Variants in TOX observed in about 807,000 individuals in gnomAD.
The protein encoded by TOX is thymocyte selection-associated high mobility group box protein TOX.
TOX carries 11 observed loss-of-function variants against 53.7 expected under a neutral mutation model. The observed-to-expected ratio is 0.20, with a 90% CI of 0.13 to 0.34. The LOEUF is 0.34. Among genes scored for constraint, TOX ranks in the 10% least tolerant of loss-of-function variants. The pLI is 1.00. For synonymous variants in TOX, 225 were observed against 245.3 expected, an observed-to-expected ratio of 0.92 and a Z score of 0.77; for missense variants, 570 against 664.6, an observed-to-expected ratio of 0.86 and a Z score of 1.56.
At chr8:59,105,827 C>G (rs1172836390) in intron 1 of TOX, among the ~76,000 whole-genome samples, 1 of 152,062 alleles carries the variant, frequency 6.6e-6, no homozygotes, top group Non-Finnish European at 1.5e-5. Flanking sequence ...AAAATGAAAG[C>G]TTATGTATGG....
At chr8:59,081,867 A>T (rs776902650) in intron 1 of TOX, among the ~76,000 whole-genome samples, 1 of 152,228 alleles carries the variant, frequency 6.6e-6, no homozygotes, top group Non-Finnish European at 1.5e-5. Context: ...ACTGCACGGC[A>T]GACTTCCCTA....
chr8:59,113,365 A>T (rs762910605), intron 1 of TOX, among the ~76,000 whole-genome samples: 1 of 152,168 alleles, frequency 6.6e-6, no homozygotes, highest in Non-Finnish European at 1.5e-5. Context: ...GCATCACATG[A>T]AGGTTGTCTT....
rs193243184 is a variant in TOX, at chr8:58,885,687, C to T, written c.412-33882G>A. Among the ~76,000 whole-genome samples, 82 of 152,212 alleles carry T rather than the reference C, an allele frequency of 5.4e-4. 1 individual carries two copies. In the Middle Eastern group the frequency reaches 0.024, roughly 44 times the overall value. ...GCTTCATGACAAAGACCACATAAGT[C>T]CATGGTGGACAAGGGCCATCCTGCA... On this transcript the variant is annotated intron_variant, in intron 3 of 8. Transcript: ENST00000361421.
chr8:58,891,169 G>A (rs1330609877), intron 3 of TOX, among the ~76,000 whole-genome samples: 2 of 152,000 alleles, frequency 1.3e-5, no homozygotes, highest in Admixed American at 6.6e-5. Flanking sequence ...CGATCTTTAG[G>A]AACAGCGCTG....
intron 1 of TOX, among the ~76,000 whole-genome samples, chr8:59,084,917 G>A (rs966803673): frequency 4.6e-5 from 7 of 152,158 alleles, no homozygotes; most frequent in African/African-American, 1.4e-4. Context: ...AATTTTCCAA[G>A]TGTAATGCCA....
At chr8:58,993,677 T>C (rs1813498890) in intron 1 of TOX, among the ~76,000 whole-genome samples, 1 of 152,292 alleles carries the variant, frequency 6.6e-6, no homozygotes, top group Admixed American at 6.5e-5. Context: ...CTTTCAACTT[T>C]CCAGTCTCTG....
chr8:58,987,034 G>C lies in TOX; in HGVS notation c.103-27026C>G, dbSNP rs541863688. Among the ~76,000 whole-genome samples, 3 of 152,164 alleles carry C rather than the reference G, an allele frequency of 2.0e-5. No homozygotes were observed. In the South Asian group the frequency reaches 6.2e-4, roughly 32 times the overall value. On this transcript the variant is annotated intron_variant, in intron 1 of 8. Coordinates refer to ENST00000361421, the MANE Select transcript of TOX (RefSeq NM_014729.3). Reference sequence around the variant, plus strand: ...TTTAAGAGGCCTAGAGCTTAGCATCGGTATATTTGCACACGTTTGGAGAAG... The same window carrying C: ...TTTAAGAGGCCTAGAGCTTAGCATCCGTATATTTGCACACGTTTGGAGAAG...
chr8:58,873,866 C>T (rs1352860182), intron 3 of TOX, among the ~76,000 whole-genome samples: 3 of 150,222 alleles, frequency 2.0e-5, no homozygotes, highest in South Asian at 4.2e-4. Flanking sequence ...ATTTCTCCTC[C>T]ATAATCTATT....
intron 3 of TOX, among the ~76,000 whole-genome samples, chr8:58,920,721 T>TAAA (rs5891703): frequency 2.3e-4 from 19 of 81,016 alleles, no homozygotes; most frequent in East Asian, 4.1e-4. Flanking sequence ...AAAAAAACAT[T>TAAA]AAAAAAAAAA....
chr8:58,903,957 T>C (rs1016276559), intron 3 of TOX, among the ~76,000 whole-genome samples: 4 of 152,212 alleles, frequency 2.6e-5, no homozygotes, highest in Non-Finnish European at 5.9e-5. Context: ...TGGATTATCT[T>C]ATTCCTGGTA....
chr8:58,936,013 C>G (rs1812338671), intron 3 of TOX, among the ~76,000 whole-genome samples: 1 of 151,462 alleles, frequency 6.6e-6, no homozygotes, highest in African/African-American at 2.4e-5. Context: ...CAGCGGCTTT[C>G]CATAACCCCA....
intron 3 of TOX, among the ~76,000 whole-genome samples, chr8:58,938,592 A>T (rs370758592): frequency 6.6e-6 from 1 of 152,222 alleles, no homozygotes; most frequent in African/African-American, 2.4e-5. Context: ...ATTTTATAAT[A>T]AGCCAGTGTT....
At chr8:59,098,932 A>G (rs1026813162) in intron 1 of TOX, among the ~76,000 whole-genome samples, 2 of 152,302 alleles carry the variant, frequency 1.3e-5, no homozygotes, top group Admixed American at 6.5e-5. Context: ...AATTAAAAAG[A>G]GTGAAGTTTT....
chr8:59,113,508 G>A (rs1005790104), intron 1 of TOX, among the ~76,000 whole-genome samples: 5 of 152,038 alleles, frequency 3.3e-5, no homozygotes, highest in African/African-American at 1.2e-4. Flanking sequence ...ATAGAAAATG[G>A]AATCAGGTTA....
chr8:59,041,671 T>TA (rs1400446276), intron 1 of TOX, among the ~76,000 whole-genome samples: 5 of 152,178 alleles, frequency 3.3e-5, no homozygotes, highest in Admixed American at 3.3e-4. Flanking sequence ...AAATCACAGT[T>TA]AAAAACGCTA....
chr8:58,969,130 T>A (rs1585931601), intron 1 of TOX, among the ~76,000 whole-genome samples: 1 of 152,188 alleles, frequency 6.6e-6, no homozygotes, highest in South Asian at 2.1e-4. Context: ...TAAACTCTCC[T>A]GGGGTAAGAC....
intron 2 of TOX, among the ~76,000 whole-genome samples, chr8:58,959,062 A>G (rs1413935264): frequency 6.6e-6 from 1 of 152,230 alleles, no homozygotes; most frequent in African/African-American, 2.4e-5. Context: ...TTTTAGAATT[A>G]CTAACATATG....
Position 59,009,611 on chromosome 8 carries a change from G to T in TOX, c.103-49603C>A, listed in dbSNP as rs1330141240. Among the ~76,000 whole-genome samples, 10 of 152,162 alleles carry T rather than the reference G, an allele frequency of 6.6e-5. No individual in the cohort carries two copies. The South Asian group carries it at 1.0e-3, about 16-fold the overall frequency. On this transcript the variant is annotated intron_variant, in intron 1 of 8. Transcript: ENST00000361421. ...TGGTCTCGAACTCCTGACCTCAAGT[G>T]ATAAGCTCACCACGACTCCCAAAAT...
rs1805121879 is a variant in TOX at position 59,117,451 on chromosome 8, T to C, written c.102+1435A>G. Among the ~76,000 whole-genome samples the C allele has an allele frequency of 6.6e-6, 1 of 152,230 alleles. No individual in the cohort carries two copies. The highest frequency in any genetic ancestry group is 2.1e-4 in the South Asian group (1 of 4,834). On this transcript the variant is annotated intron_variant, in intron 1 of 8. Coordinates refer to ENST00000361421, the MANE Select transcript of TOX (RefSeq NM_014729.3). The surrounding 1 kb of genome is among the most constrained non-coding windows in gnomAD (Gnocchi z 4.6). ...GGATGTCCCTCTTTTCTAACTTGCCTAAACACCATCGGCACACAGCACAGT... is the reference window on the plus strand; with the variant it reads ...GGATGTCCCTCTTTTCTAACTTGCCCAAACACCATCGGCACACAGCACAGT...
Sources: allele counts gnomAD v4.1 joint callset (sites outside exome capture counted in the v4.1 genomes callset), GRCh38; gene constraint gnomAD v4.1.1; non-coding constraint Gnocchi (gnomAD v3.1); transcripts MANE v1.5; gene names NCBI Gene and HGNC (gene_info 2026-07-23, HGNC 2026-07-21).